TGFBR1: variants seen among roughly 807,000 people sequenced by gnomAD.
The protein encoded by TGFBR1 is transforming growth factor beta receptor 1.
A neutral mutation model predicts 55.1 loss-of-function variants in TGFBR1; 20 were observed. The observed-to-expected ratio is 0.36, with a 90% CI of 0.26 to 0.53. The LOEUF is 0.53. Among genes scored for constraint, TGFBR1 ranks in the 20% least tolerant of loss-of-function variants. The pLI, the probability that TGFBR1 is intolerant of heterozygous loss-of-function variation, is 0.91. For synonymous variants in TGFBR1, 220 were observed against 214.8 expected, an observed-to-expected ratio of 1.02 and a Z score of -0.21; for missense variants, 385 against 617.6, an observed-to-expected ratio of 0.62 and a Z score of 3.99.
upstream of TGFBR1, among the ~76,000 whole-genome samples, chr9:99,104,511 A>C (rs1826341077): frequency 6.6e-6 from 1 of 151,930 alleles, no homozygotes; most frequent in African/African-American, 2.4e-5. Flanking sequence ...AGCAGGAGGA[A>C]ATAGGAGAGT....
chr9:99,139,100 C>T (rs908737951), intron 4 of TGFBR1, among the ~76,000 whole-genome samples: 4 of 151,680 alleles, frequency 2.6e-5, no homozygotes, highest in Admixed American at 1.3e-4. Flanking sequence ...CCAGCCCCCA[C>T]GATTCCTATT....
chr9:99,108,029 A>G (rs1247441789), intron 1 of TGFBR1, among the ~76,000 whole-genome samples: 1 of 152,210 alleles, frequency 6.6e-6, no homozygotes, highest in Non-Finnish European at 1.5e-5. Context: ...ATAGGTACCC[A>G]GAGGACAAGA....
chr9:99,120,771 A>G (rs1826874883), intron 1 of TGFBR1, among the ~76,000 whole-genome samples: 1 of 152,214 alleles, frequency 6.6e-6, no homozygotes, highest in African/African-American at 2.4e-5. Context: ...GATGGATTAA[A>G]AGATACTTTT....
intron 1 of TGFBR1, among the ~76,000 whole-genome samples, chr9:99,125,683 A>G (rs11466458): frequency 6.6e-6 from 1 of 152,342 alleles, no homozygotes; most frequent in East Asian, 1.9e-4. Flanking sequence ...GGATCTTCAC[A>G]CAGCTGAAGA....
chr9:99,110,454 G>A (rs1420029444), intron 1 of TGFBR1, among the ~76,000 whole-genome samples: 1 of 151,818 alleles, frequency 6.6e-6, no homozygotes, highest in Non-Finnish European at 1.5e-5. Flanking sequence ...CTTATTTGCT[G>A]CTTAATTTCC....
intron 4 of TGFBR1, among the ~76,000 whole-genome samples, chr9:99,140,040 T>C (rs959532616): frequency 6.6e-6 from 1 of 152,212 alleles, no homozygotes; most frequent in Non-Finnish European, 1.5e-5. Flanking sequence ...ATTATATACA[T>C]CCTATTGCAT....
intron 4 of TGFBR1, among the ~76,000 whole-genome samples, chr9:99,140,466 CAACAA>C (rs1827580963): frequency 6.6e-6 from 1 of 151,086 alleles, no homozygotes; most frequent in Non-Finnish European, 1.5e-5. Flanking sequence ...AAAAAAAAAA[CAACAA>C]CAAAACAAAA....
In TGFBR1 at chr9:99,105,430, C is replaced by G. The variant is rs542954487; in HGVS notation, c.97+128C>G. ...GCAGGTGGCGGCGCCGGGGCCCGGG[C>G]CGGGCTCTCGTGGCGCCGCGCGGCT... On this transcript the variant is annotated intron_variant, in intron 1 of 8. Coordinates refer to ENST00000374994, the MANE Select transcript of TGFBR1 (RefSeq NM_004612.4). 53 of 837,722 alleles carry G rather than the reference C, an allele frequency of 6.3e-5. No homozygotes were observed. The East Asian group carries it at 5.7e-3, about 90-fold the overall frequency. 51.9% of individuals were successfully genotyped at this position (837,722 alleles called of 1,614,324 possible). A position where few individuals can be genotyped will look rare whatever the true frequency, so the allele number is the denominator to read the frequency against.
In TGFBR1 at chr9:99,151,323, T is replaced by G. The variant is rs1197145925; in HGVS notation, c.*2018T>G. The G allele has an allele frequency of 4.3e-6, 1 of 231,590 alleles. No individual in the cohort carries two copies. Among genetic ancestry groups the G allele is most frequent in the Non-Finnish European group, 8.5e-6 (1 of 117,194 alleles). 14.3% of individuals were successfully genotyped at this position (231,590 alleles called of 1,614,324 possible). ...AGTTTGAGAGGTTTGTTTTTATAGTTGTGTTGTATTACTTGTTTAATAATA... is the reference window on the plus strand; with the variant it reads ...AGTTTGAGAGGTTTGTTTTTATAGTGGTGTTGTATTACTTGTTTAATAATA... On this transcript the variant is annotated 3_prime_UTR_variant, in exon 9 of 9. Coordinates refer to ENST00000374994, the MANE Select transcript of TGFBR1 (RefSeq NM_004612.4).
At chr9:99,115,383 C>T (rs1267241791) in intron 1 of TGFBR1, among the ~76,000 whole-genome samples, 2 of 152,122 alleles carry the variant, frequency 1.3e-5, no homozygotes, top group African/African-American at 4.8e-5. Flanking sequence ...CTTCAGGCAT[C>T]CTGTTACATT....
At chr9:99,104,454 T>C (rs1372111007), upstream of TGFBR1, among the ~76,000 whole-genome samples, 1 of 152,016 alleles carries the variant, frequency 6.6e-6, no homozygotes, top group Non-Finnish European at 1.5e-5. Flanking sequence ...GAGGACTTTC[T>C]GGGTTTGGAA....
chr9:99,105,953 A>AG lies in TGFBR1; in HGVS notation c.97+657dup, dbSNP rs563640718. ...GCTGGAAGGGGCTGCTCCTCCAGCC[A>AG]GGGGGGCTTTGTGTGAGAAGAAGGA... On this transcript the variant is annotated intron_variant, in intron 1 of 8. Coordinates refer to ENST00000374994, the MANE Select transcript of TGFBR1 (RefSeq NM_004612.4). 1.2e-3 allele frequency among the ~76,000 whole-genome samples: 181 copies of AG among 152,348 alleles called. 1 individual carries two copies. Among genetic ancestry groups the AG allele is most frequent in the African/African-American group, 4.0e-3 (165 of 41,584 alleles).
intron 1 of TGFBR1, among the ~76,000 whole-genome samples, chr9:99,115,551 A>G (rs1332701664): frequency 6.6e-6 from 1 of 152,200 alleles, no homozygotes; most frequent in Admixed American, 6.5e-5. Flanking sequence ...AGACATACAG[A>G]GATAGAAAAG....
chr9:99,134,149 A>G (rs564352792), intron 3 of TGFBR1, among the ~76,000 whole-genome samples: 1 of 152,278 alleles, frequency 6.6e-6, no homozygotes, highest in Non-Finnish European at 1.5e-5. Flanking sequence ...ACAAATGTCT[A>G]TTTATTTTAA....
intron 3 of TGFBR1, among the ~76,000 whole-genome samples, chr9:99,135,677 A>G (rs1827415220): frequency 1.3e-5 from 2 of 152,086 alleles, no homozygotes; most frequent in Admixed American, 6.5e-5. Flanking sequence ...AGCTCTTGTA[A>G]TATATGCATG....
At chr9:99,112,347 G>A (rs1245362651) in intron 1 of TGFBR1, among the ~76,000 whole-genome samples, 3 of 152,104 alleles carry the variant, frequency 2.0e-5, no homozygotes, top group African/African-American at 7.2e-5. Context: ...CTCACCTCCT[G>A]CAAGTCTTTG....
intron 2 of TGFBR1, among the ~76,000 whole-genome samples, chr9:99,131,453 TG>T (rs1290018815): frequency 6.6e-6 from 1 of 152,042 alleles, no homozygotes; most frequent in Non-Finnish European, 1.5e-5. Flanking sequence ...GGGAAAGATG[TG>T]ATATGAAAGA....
chr9:99,120,943 G>A (rs1826880356), intron 1 of TGFBR1, among the ~76,000 whole-genome samples: 2 of 152,134 alleles, frequency 1.3e-5, no homozygotes, highest in Admixed American at 1.3e-4. Flanking sequence ...TATTCTTAGT[G>A]TGTTTTCTCT....
At chr9:99,122,364 T>C (rs1826920407) in intron 1 of TGFBR1, among the ~76,000 whole-genome samples, 1 of 152,140 alleles carries the variant, frequency 6.6e-6, no homozygotes, top group Non-Finnish European at 1.5e-5. Context: ...TCTCAGCTTT[T>C]CTAGCAAGAC....
Sources: gnomAD v4.1 joint callset for allele counts (sites outside exome capture counted in the v4.1 genomes callset) on GRCh38, gnomAD v4.1.1 for gene constraint, MANE v1.5 for transcripts, NCBI Gene and HGNC (gene_info 2026-07-23, HGNC 2026-07-21) for gene names.